The following WIPF2 variants were observed in gnomAD, a reference collection of about 807,000 sequenced individuals.
WIPF2 encodes the protein WAS/WASL-interacting protein family member 2.
Under a neutral mutation model 38.8 loss-of-function variants are expected in WIPF2, and 23 were observed. The ratio of observed to expected loss-of-function variants is 0.59; its 90% CI spans 0.43 to 0.84. WIPF2 has a LOEUF of 0.84. Ranked by LOEUF, WIPF2 falls within the 40% of genes least tolerant of loss-of-function variation. The pLI, the probability that WIPF2 is intolerant of heterozygous loss-of-function variation, is 0.00. For missense variants in WIPF2, 574 were observed against 580.5 expected, an observed-to-expected ratio of 0.99 and a Z score of 0.11; for synonymous variants, 210 against 223.2, an observed-to-expected ratio of 0.94 and a Z score of 0.53.
At chr17:40,228,003 TC>T (rs2030565039) in intron 1 of WIPF2, among the ~76,000 whole-genome samples, 1 of 143,846 alleles carries the variant, frequency 7.0e-6, no homozygotes, top group Non-Finnish European at 1.5e-5. Context: ...TTTTTATACC[TC>T]TTTTTGTTTT....
rs536627559 is a variant in WIPF2 at position 40,240,681 on chromosome 17, A to T, written c.-69-15710A>T. On this transcript the variant is annotated intron_variant, in intron 1 of 7. Coordinates refer to ENST00000323571, the MANE Select transcript of WIPF2 (RefSeq NM_133264.5). ...AAATCCTGGCCAGGCACGGTATCTC[A>T]CGCCTGTAATCCCGGCATTTTGGGA... Among the ~76,000 whole-genome samples, 29 of 151,780 alleles carry T rather than the reference A, an allele frequency of 1.9e-4. No individual in the cohort carries two copies. The South Asian group carries it at 5.6e-3, about 29-fold the overall frequency.
chr17:40,220,914 T>A (rs1434493380), intron 1 of WIPF2, among the ~76,000 whole-genome samples: 1 of 151,546 alleles, frequency 6.6e-6, no homozygotes, highest in Admixed American at 6.6e-5. Context: ...TAGCTGGGAC[T>A]ATAGGTGCCC....
In WIPF2 at chr17:40,219,330, T is replaced by C; in HGVS notation, c.-232T>C. The C allele has an allele frequency of 3.0e-6, 1 of 333,778 alleles. No homozygotes were observed. The highest frequency in any genetic ancestry group is 5.7e-6 in the Non-Finnish European group (1 of 175,796). 20.7% of individuals were successfully genotyped at this position (333,778 alleles called of 1,614,324 possible). A position where few individuals can be genotyped will look rare whatever the true frequency, so the allele number is the denominator to read the frequency against. On this transcript the variant is annotated 5_prime_UTR_variant, in exon 1 of 8. Coordinates refer to ENST00000323571, the MANE Select transcript of WIPF2 (RefSeq NM_133264.5). ...TTTTGTTCGCGGACGCTGGGGACGG[T>C]GGGAGCAGATCCATTTCCGGGTTGG...
Position 40,264,572 on chromosome 17 carries a change from G to A in WIPF2, c.396G>A (p.Gly132=), listed in dbSNP as rs2032018087. 3 of 1,613,994 alleles carry A rather than the reference G, an allele frequency of 1.9e-6. No homozygotes were observed. Among genetic ancestry groups the A allele is most frequent in the Admixed American group, 3.3e-5 (2 of 59,986 alleles). Residue 132 remains glycine, a synonymous_variant, in exon 5 of 8, where the codon GGG becomes GGA. Transcript: ENST00000323571. ...APRPPVSAAS[G]RPQDDTDSSR... ...GGCCTCCAGTATCTGCCGCCAGCGG[G>A]CGTCCTCAGGATGATACAGACAGCA... is the stretch of plus-strand genomic sequence containing the variant.
chr17:40,219,558 A>C (rs1341248591), intron 1 of WIPF2, 66 bp downstream of exon 1: 3 of 132,534 alleles, frequency 2.3e-5, no homozygotes, highest in Admixed American at 8.1e-5. Flanking sequence ...GTGGGAGGGA[A>C]AGTCGCGGGG....
In WIPF2 at chr17:40,264,916, C is replaced by T. The variant is rs754043171; in HGVS notation, c.740C>T (p.Ser247Phe). ...ATCAGAACAGGACCAAGTGGCCAGT[C>T]TCTGGCTCCTCCTCCTCCGCCTTAC... ...VNIRTGPSGQ[S>F]LAPPPPPYRQ... Residue 247 changes from serine (S) to phenylalanine (F), a missense_variant, in exon 5 of 8, where the codon TCT becomes TTT. Physicochemically the swap from Ser to Phe is radical, Grantham distance 155. Transcript: ENST00000323571. 20 of 1,614,216 alleles carry T rather than the reference C, an allele frequency of 1.2e-5. No homozygotes were observed. The highest frequency in any genetic ancestry group is 1.7e-5 in the Admixed American group (1 of 60,026).
intron 4 of WIPF2, among the ~76,000 whole-genome samples, chr17:40,263,537 A>G (rs576709703): frequency 3.8e-5 from 4 of 106,462 alleles, no homozygotes; most frequent in African/African-American, 1.4e-4. Flanking sequence ...ATTTTATTTT[A>G]TTTATTCGTC....
chr17:40,220,616 T>C (rs2030180905), intron 1 of WIPF2: 1 of 112,828 alleles, frequency 8.9e-6, no homozygotes, highest in Non-Finnish European at 1.8e-5. Flanking sequence ...TATATATATA[T>C]ATGTATATAT....
chr17:40,259,437 A>T (rs1034846452), intron 2 of WIPF2, among the ~76,000 whole-genome samples: 1 of 139,994 alleles, frequency 7.1e-6, no homozygotes, highest in Non-Finnish European at 1.6e-5. Flanking sequence ...ACTCTGTCTT[A>T]AAAAAAAAAA....
chr17:40,246,770 G>GAAT (rs1411112399), intron 1 of WIPF2, among the ~76,000 whole-genome samples: 3 of 152,134 alleles, frequency 2.0e-5, no homozygotes, highest in African/African-American at 7.2e-5. Context: ...GTATGCTGTA[G>GAAT]AATAATGAGA....
At chr17:40,263,393 T>C (rs749615953) in intron 4 of WIPF2, among the ~76,000 whole-genome samples, 5 of 152,166 alleles carry the variant, frequency 3.3e-5, no homozygotes, top group Non-Finnish European at 7.3e-5. Context: ...GCAGTAATGC[T>C]TGCTCGCTCA....
intron 1 of WIPF2, among the ~76,000 whole-genome samples, chr17:40,241,961 GCTAA>G (rs1382232496): frequency 1.3e-5 from 2 of 152,174 alleles, no homozygotes; most frequent in African/African-American, 2.4e-5. Flanking sequence ...TGTTGCAGAG[GCTAA>G]CTGTGGTACC....
In WIPF2 at chr17:40,228,366, G is replaced by T. The variant is rs909898713; in HGVS notation, c.-70+8874G>T. Among the ~76,000 whole-genome samples the T allele has an allele frequency of 6.6e-5, 10 of 152,000 alleles. 1 individual carries two copies. Among genetic ancestry groups the T allele is most frequent in the Non-Finnish European group, 1.3e-4 (9 of 67,998 alleles). ...TCCCTATCAGCAATAAAGATACTTG[G>T]CACCTACCTTACACTGATAGACATA... is the stretch of plus-strand genomic sequence containing the variant. On this transcript the variant is annotated intron_variant, in intron 1 of 7. Transcript: ENST00000323571.
chr17:40,228,429 C>T (rs2030593855), intron 1 of WIPF2, among the ~76,000 whole-genome samples: 1 of 152,072 alleles, frequency 6.6e-6, no homozygotes, highest in Non-Finnish European at 1.5e-5. Flanking sequence ...AACTATGCTG[C>T]AGTGAAGAAG....
At chr17:40,232,844 G>A (rs909754904) in intron 1 of WIPF2, among the ~76,000 whole-genome samples, 3 of 151,714 alleles carry the variant, frequency 2.0e-5, no homozygotes, top group African/African-American at 7.3e-5. Flanking sequence ...CACCATGTTG[G>A]TCAGGCTGGT....
Position 40,278,241 on chromosome 17 carries a change from C to G in WIPF2, c.*16C>G. 6.2e-7 allele frequency: 1 copy of G among 1,613,406 alleles called. No homozygotes were observed. The highest frequency in any genetic ancestry group is 8.5e-7 in the Non-Finnish European group (1 of 1,179,698). ...TCTCAGGTGAAGCCTGGCTTGGTCC[C>G]GTTCCTCAGGAAAAGGATGGACCTT... On this transcript the variant is annotated 3_prime_UTR_variant, in exon 8 of 8. Transcript: ENST00000323571.
chr17:40,254,817 A>G (rs186623047), intron 1 of WIPF2, among the ~76,000 whole-genome samples: 2 of 150,972 alleles, frequency 1.3e-5, no homozygotes, highest in Non-Finnish European at 1.5e-5. Flanking sequence ...CTGCACCTCC[A>G]CCTCCCGGAT....
intron 1 of WIPF2, among the ~76,000 whole-genome samples, chr17:40,249,035 G>C (rs1208149790): frequency 6.6e-6 from 1 of 152,048 alleles, no homozygotes. Context: ...ATTTTGTTCA[G>C]TGCTTTGATA....
intron 7 of WIPF2, among the ~76,000 whole-genome samples, chr17:40,277,723 C>CTTTTTTTTTTTTTTTGTTTTTTTTTTT (rs2032447490): frequency 1.0e-5 from 1 of 97,638 alleles, no homozygotes; most frequent in Non-Finnish European, 1.9e-5. Flanking sequence ...CTTCGTTGTC[C>CTTTTTTTTTTTTTTTGTTTTTTTTTTT]TTTTTTTTTT....
Sources: gnomAD v4.1 joint callset for allele counts (sites outside exome capture counted in the v4.1 genomes callset) on GRCh38, gnomAD v4.1.1 for gene constraint, MANE v1.5 for transcripts, NCBI Gene and HGNC (gene_info 2026-07-23, HGNC 2026-07-21) for gene names.